Variants in GPR158 observed in about 807,000 individuals in gnomAD.
GPR158 encodes the protein metabotropic glycine receptor.
In GPR158, 30 loss-of-function variants were observed where a neutral mutation model predicts 78.2. That is an observed-to-expected ratio of 0.38 (90% CI 0.29 to 0.52). The LOEUF is 0.52. GPR158 is among the 20% of genes least tolerant of loss of function. The pLI, the probability that GPR158 is intolerant of heterozygous loss-of-function variation, is 0.83. For missense variants in GPR158, 1,463 were observed against 1,523.5 expected (o/e 0.96, Z 0.66); for synonymous variants, 581 against 591.1 (o/e 0.98, Z 0.25).
chr10:25,378,561 A>G (rs1441604622), intron 2 of GPR158, among the ~76,000 whole-genome samples: 1 of 151,534 alleles, frequency 6.6e-6, no homozygotes, highest in Non-Finnish European at 1.5e-5. Context: ...TTTGGTTTTA[A>G]TACAGTATTT....
chr10:25,541,363 T>G (rs184038492), intron 5 of GPR158, among the ~76,000 whole-genome samples: 2 of 152,088 alleles, frequency 1.3e-5, no homozygotes, highest in Admixed American at 1.3e-4. Context: ...TCCCAGCATA[T>G]GATTTTTTTT....
chr10:25,527,690 T>C (rs1324062750), intron 5 of GPR158, among the ~76,000 whole-genome samples: 2 of 151,624 alleles, frequency 1.3e-5, no homozygotes, highest in Non-Finnish European at 2.9e-5. Flanking sequence ...CCCAAACAAG[T>C]AGAATAAGGG....
At chr10:25,252,192 G>A (rs895900648) in intron 2 of GPR158, among the ~76,000 whole-genome samples, 1 of 150,874 alleles carries the variant, frequency 6.6e-6, no homozygotes, top group African/African-American at 2.4e-5. Flanking sequence ...TCTCTGTATT[G>A]GTTATTCTAG....
chr10:25,457,648 C>A (rs1028575402), intron 4 of GPR158, among the ~76,000 whole-genome samples: 1 of 152,136 alleles, frequency 6.6e-6, no homozygotes, highest in Non-Finnish European at 1.5e-5. Context: ...TGAAAGGCTT[C>A]TTAGCCAGAA....
chr10:25,204,586 C>T (rs927541448), intron 1 of GPR158, among the ~76,000 whole-genome samples: 3 of 152,306 alleles, frequency 2.0e-5, no homozygotes, highest in Non-Finnish European at 2.9e-5. Flanking sequence ...GCCAGGCTTG[C>T]ATCCCAGGGT....
intron 5 of GPR158, among the ~76,000 whole-genome samples, chr10:25,468,530 A>G (rs928685877): frequency 6.6e-6 from 1 of 152,204 alleles, no homozygotes; most frequent in African/African-American, 2.4e-5. Flanking sequence ...TATACAAGTA[A>G]GTATCGCTTT....
At chr10:25,240,088 G>T (rs1853582718) in intron 2 of GPR158, among the ~76,000 whole-genome samples, 1 of 152,182 alleles carries the variant, frequency 6.6e-6, no homozygotes, top group African/African-American at 2.4e-5. Flanking sequence ...CAAAGGCATT[G>T]ATTAATCTAG....
At chr10:25,439,074 T>G (rs1835034656) in intron 4 of GPR158, among the ~76,000 whole-genome samples, 1 of 152,194 alleles carries the variant, frequency 6.6e-6, no homozygotes. Context: ...GCCTGAAATA[T>G]TTGCTCTCTG....
At chr10:25,425,584 A>T (rs1424595648) in intron 4 of GPR158, among the ~76,000 whole-genome samples, 1 of 152,098 alleles carries the variant, frequency 6.6e-6, no homozygotes, top group Non-Finnish European at 1.5e-5. Flanking sequence ...CCTGTAGAGC[A>T]AAAGAAATAA....
chr10:25,580,844 C>T (rs1357065301), intron 7 of GPR158, among the ~76,000 whole-genome samples: 4 of 152,208 alleles, frequency 2.6e-5, no homozygotes, highest in Middle Eastern at 3.4e-3. Flanking sequence ...TTCTGCCTCA[C>T]CCTCCCAAGT....
At chr10:25,455,163 C>G (rs567985954) in intron 4 of GPR158, among the ~76,000 whole-genome samples, 1 of 152,202 alleles carries the variant, frequency 6.6e-6, no homozygotes, top group South Asian at 2.1e-4. Context: ...TTTTTGACAT[C>G]TTGAGTTTGA....
At chr10:25,364,667 A>C (rs1302446504) in intron 2 of GPR158, among the ~76,000 whole-genome samples, 1 of 151,852 alleles carries the variant, frequency 6.6e-6, no homozygotes, top group Admixed American at 6.6e-5. Context: ...TCTGAATTTT[A>C]TGTATATTTT....
chr10:25,448,257 TG>T (rs1835165530), intron 4 of GPR158, among the ~76,000 whole-genome samples: 1 of 151,450 alleles, frequency 6.6e-6, no homozygotes, highest in Non-Finnish European at 1.5e-5. Flanking sequence ...GCTAATTTTT[TG>T]TATTTTTTTT....
At chr10:25,213,415 A>T (rs2130672677) in intron 1 of GPR158, among the ~76,000 whole-genome samples, 1 of 152,212 alleles carries the variant, frequency 6.6e-6, no homozygotes, top group South Asian at 2.1e-4. Context: ...TTTATTTTGA[A>T]TTTTTTGATA....
chr10:25,193,022 T>A (rs1852794618), intron 1 of GPR158, among the ~76,000 whole-genome samples: 1 of 152,166 alleles, frequency 6.6e-6, no homozygotes, highest in Non-Finnish European at 1.5e-5. Context: ...AAATACATTT[T>A]CAATTTACGT....
At chr10:25,194,776 C>T (rs1426134726) in intron 1 of GPR158, among the ~76,000 whole-genome samples, 2 of 152,134 alleles carry the variant, frequency 1.3e-5, no homozygotes, top group Admixed American at 6.5e-5. Context: ...TCTTTACCCT[C>T]TCCATTGTTT....
At chr10:25,241,124 AT>A (rs1293141212) in intron 2 of GPR158, among the ~76,000 whole-genome samples, 1 of 121,806 alleles carries the variant, frequency 8.2e-6, no homozygotes, top group African/African-American at 3.1e-5. Flanking sequence ...TTTTACTTTG[AT>A]TTTCTTTCTT....
intron 2 of GPR158, among the ~76,000 whole-genome samples, chr10:25,248,990 A>T (rs11014468): frequency 0.17 from 25,020 of 143,294 alleles, 3,680 homozygotes; most frequent in African/African-American, 0.4. Context: ...TTTTATTTCC[A>T]TGAGCAGTGG....
chr10:25,237,715 GACAA>G (rs141828814), intron 2 of GPR158, among the ~76,000 whole-genome samples: 104 of 152,200 alleles, frequency 6.8e-4, no homozygotes, highest in African/African-American at 1.5e-3. Context: ...CTCTCTCTCT[GACAA>G]ACAGTGAGTT....
Sources: gnomAD v4.1 joint callset for allele counts (sites outside exome capture counted in the v4.1 genomes callset) on GRCh38, gnomAD v4.1.1 for gene constraint, MANE v1.5 for transcripts, NCBI Gene and HGNC (gene_info 2026-07-23, HGNC 2026-07-21) for gene names.